Variants in OR51E2 observed in about 807,000 individuals in gnomAD.
OR51E2 encodes the protein olfactory receptor 51E2.
Under a neutral mutation model 13.7 loss-of-function variants are expected in OR51E2, and 14 were observed. The ratio of observed to expected loss-of-function variants is 1.02; its 90% CI spans 0.68 to 1.60. OR51E2 has a LOEUF of 1.60. OR51E2 is among the 40% of genes most tolerant of loss of function. The probability of loss-of-function intolerance (pLI) is 0.00; values close to 1 mark genes in which losing one functional copy is unlikely to be tolerated. For synonymous variants in OR51E2, 180 were observed against 157.6 expected, an observed-to-expected ratio of 1.14 and a Z score of -1.07; for missense variants, 483 against 413.8, an observed-to-expected ratio of 1.17 and a Z score of -1.45.
chr11:4,688,615 T>C (rs1001240428), intron 1 of OR51E2, among the ~76,000 whole-genome samples: 4 of 152,148 alleles, frequency 2.6e-5, no homozygotes, highest in African/African-American at 9.7e-5. Context: ...ATTAAACTAA[T>C]CAGTCTAACT....
intron 1 of OR51E2, among the ~76,000 whole-genome samples, chr11:4,688,102 A>G (rs1354216065): frequency 3.9e-5 from 6 of 152,324 alleles, no homozygotes; most frequent in Non-Finnish European, 1.5e-5. Context: ...AATGGAACAA[A>G]TTCTTTATTC....
At chr11:4,696,096 C>T (rs1027066864) in intron 1 of OR51E2, among the ~76,000 whole-genome samples, 4 of 152,102 alleles carry the variant, frequency 2.6e-5, no homozygotes, top group Non-Finnish European at 4.4e-5. Context: ...GCAATCAAAC[C>T]TGTAATTTAG....
chr11:4,690,968 G>A (rs1218788156), intron 1 of OR51E2: 1 of 454,144 alleles, frequency 2.2e-6, no homozygotes, highest in Non-Finnish European at 4.4e-6. Flanking sequence ...CCACAATGTG[G>A]GAGACACATG....
intron 1 of OR51E2, among the ~76,000 whole-genome samples, chr11:4,683,295 G>A (rs1170070679): frequency 6.6e-6 from 1 of 152,236 alleles, no homozygotes; most frequent in Admixed American, 6.5e-5. Flanking sequence ...AATAATGGGT[G>A]TTCCAAGGCA....
Position 4,682,645 on chromosome 11 carries a change from G to T in OR51E2, c.67C>A (p.His23Asn). 6.2e-7 allele frequency: 1 copy of T among 1,614,180 alleles called. No individual in the cohort carries two copies. The change falls in exon 2 of 2, where the codon CAT (histidine) becomes AAT (asparagine). Residue 23 changes from histidine to asparagine, a missense_variant. By Grantham distance (68) the His-to-Asn change is moderately conservative (BLOSUM62 1). Transcript: ENST00000396950. ...AGGAGGGGGAAGCCAACCCAGAAAT[G>T]GGCTTTCTCTAATCCTGGGATACCA... The part of the protein sequence containing the change: ...LIGIPGLEKA[H>N]FWVGFPLLSM...
chr11:4,689,744 G>A (rs1319023333), intron 1 of OR51E2, among the ~76,000 whole-genome samples: 1 of 151,950 alleles, frequency 6.6e-6, no homozygotes, highest in Non-Finnish European at 1.5e-5. Flanking sequence ...ATTTCTGCTG[G>A]GGCAGAATGT....
intron 1 of OR51E2, among the ~76,000 whole-genome samples, chr11:4,686,402 G>T (rs1040605296): frequency 1.3e-5 from 2 of 152,132 alleles, no homozygotes; most frequent in African/African-American, 2.4e-5. Context: ...AACTGGAGAG[G>T]TCAATGGATG....
Position 4,682,713 on chromosome 11 carries a change from G to C in OR51E2, c.-2C>G. Reference sequence around the variant, plus strand: ...ATGTGTGAAGTTGCAGGAACTCATAGCTGGAACTGAGGAGGGGTGACTGGA... The same window carrying C: ...ATGTGTGAAGTTGCAGGAACTCATACCTGGAACTGAGGAGGGGTGACTGGA... On this transcript the variant is annotated 5_prime_UTR_variant, in exon 2 of 2. Transcript: ENST00000396950. The C allele has an allele frequency of 6.2e-7, 1 of 1,611,886 alleles. No homozygotes were observed. Among genetic ancestry groups the C allele is most frequent in the Non-Finnish European group, 8.5e-7 (1 of 1,178,538 alleles).
chr11:4,686,726 A>T (rs1847519091), intron 1 of OR51E2, among the ~76,000 whole-genome samples: 1 of 152,132 alleles, frequency 6.6e-6, no homozygotes, highest in Admixed American at 6.5e-5. Flanking sequence ...TACCATGTTC[A>T]CGTAGCTACA....
At chr11:4,686,598 G>A (rs747988323) in intron 1 of OR51E2, among the ~76,000 whole-genome samples, 2 of 152,182 alleles carry the variant, frequency 1.3e-5, no homozygotes, top group Non-Finnish European at 2.9e-5. Flanking sequence ...TGTGAGACAG[G>A]AACTTAAGAT....
rs757821062 is a variant in OR51E2, at chr11:4,682,643, A to C, written c.69T>G (p.His23Gln). 2 of 1,614,114 alleles carry C rather than the reference A, an allele frequency of 1.2e-6. No individual in the cohort carries two copies. Among genetic ancestry groups the C allele is most frequent in the Non-Finnish European group, 1.7e-6 (2 of 1,180,034 alleles). The change falls in exon 2 of 2, where the codon CAT becomes CAG. Residue 23 changes from histidine (H) to glutamine (Q), a missense_variant. Coordinates refer to ENST00000396950, the MANE Select transcript of OR51E2 (RefSeq NM_030774.4). ...LIGIPGLEKAHFWVGFPLLSM... is the reference protein window; with the variant it reads ...LIGIPGLEKAQFWVGFPLLSM... ...AAAGGAGGGGGAAGCCAACCCAGAA[A>C]TGGGCTTTCTCTAATCCTGGGATAC...
At chr11:4,690,754 A>G (rs751139210) in intron 1 of OR51E2, 3 of 392,786 alleles carry the variant, frequency 7.6e-6, no homozygotes, top group Non-Finnish European at 1.5e-5. Context: ...AGAATTCTAC[A>G]ATTTTATGTT....
At chr11:4,693,090 AAG>A (rs919232550) in intron 1 of OR51E2, among the ~76,000 whole-genome samples, 13 of 152,180 alleles carry the variant, frequency 8.5e-5, no homozygotes, top group African/African-American at 2.9e-4. Flanking sequence ...AAAAAACTAA[AAG>A]AGAGAATTTT....
Position 4,682,012 on chromosome 11 carries a change from C to T in OR51E2, c.700G>A (p.Ala234Thr), listed in dbSNP as rs867203475. Residue 234 changes from alanine (A) to threonine (T), a missense_variant, in exon 2 of 2, where the codon GCC becomes ACC. Ala to Thr is a moderately conservative substitution (Grantham distance 58, BLOSUM62 0). Coordinates refer to ENST00000396950, the MANE Select transcript of OR51E2 (RefSeq NM_030774.4). Reference protein sequence around the residue: ...VLQLPSKSERAKAFGTCVSHI... With the variant: ...VLQLPSKSERTKAFGTCVSHI... Reference sequence around the variant, plus strand: ...GACACACAGGTTCCAAAGGCCTTGGCCCGCTCTGACTTGGAAGGCAGTTGC... The same window carrying T: ...GACACACAGGTTCCAAAGGCCTTGGTCCGCTCTGACTTGGAAGGCAGTTGC... The T allele has an allele frequency of 6.2e-7, 1 of 1,614,216 alleles. No individual in the cohort carries two copies. Among genetic ancestry groups the T allele is most frequent in the Non-Finnish European group, 8.5e-7 (1 of 1,180,044 alleles).
intron 1 of OR51E2, chr11:4,685,105 T>C (rs1847500523): frequency 6.6e-6 from 1 of 152,252 alleles, no homozygotes. Context: ...GAGCTGGTTT[T>C]GCTTTCTGGT....
chr11:4,681,973 C>A lies in OR51E2; in HGVS notation c.739G>T (p.Val247Leu), dbSNP rs1270653170. 3 of 1,614,196 alleles carry A rather than the reference C, an allele frequency of 1.9e-6. No homozygotes were observed. The highest frequency in any genetic ancestry group is 1.6e-4 in the Middle Eastern group (1 of 6,062). Residue 247 changes from valine (V) to leucine (L), a missense_variant, in exon 2 of 2, where the codon GTA becomes TTA. Coordinates refer to ENST00000396950, the MANE Select transcript of OR51E2 (RefSeq NM_030774.4). The stretch of plus-strand genomic sequence containing the variant: ...ATAAGTGGCACATAGAAGGCGAGTA[C>A]CACACCAATGTGTGACACACAGGTT... Reference protein sequence around the residue: ...FGTCVSHIGVVLAFYVPLIGL... With the variant: ...FGTCVSHIGVLLAFYVPLIGL...
Position 4,682,539 on chromosome 11 carries a change from A to G in OR51E2, c.173T>C (p.Met58Thr), listed in dbSNP as rs747477679. 4.0e-5 allele frequency: 64 copies of G among 1,614,100 alleles called. No homozygotes were observed. Among genetic ancestry groups the G allele is most frequent in the Admixed American group, 1.5e-4 (9 of 60,004 alleles). Reference sequence around the variant, plus strand: ...TGCAAGCATGCAGAGAAAGAGGTACATCGGAGCGTGCAGGCTGCGTTCCGT... The same window carrying G: ...TGCAAGCATGCAGAGAAAGAGGTACGTCGGAGCGTGCAGGCTGCGTTCCGT... ...VRTERSLHAP[M>T]YLFLCMLAAI... Residue 58 changes from methionine to threonine, a missense_variant, in exon 2 of 2, where the codon ATG becomes ACG. By Grantham distance (81) the Met-to-Thr change is moderately conservative. Coordinates refer to ENST00000396950, the MANE Select transcript of OR51E2 (RefSeq NM_030774.4).
intron 1 of OR51E2, among the ~76,000 whole-genome samples, chr11:4,688,692 T>C (rs906114112): frequency 6.6e-6 from 1 of 152,174 alleles, no homozygotes; most frequent in African/African-American, 2.4e-5. Flanking sequence ...AAAGCTGTTA[T>C]AATAATTCAG....
Position 4,680,671 on chromosome 11 carries a change from C to G in OR51E2, c.*1078G>C, listed in dbSNP as rs1303567344. 6.6e-6 allele frequency: 1 copy of G among 152,568 alleles called. No homozygotes were observed. Among genetic ancestry groups the G allele is most frequent in the East Asian group, 1.9e-4 (1 of 5,190 alleles). 9.5% of individuals were successfully genotyped at this position (152,568 alleles called of 1,614,324 possible). On this transcript the variant is annotated 3_prime_UTR_variant, in exon 2 of 2. Coordinates refer to ENST00000396950, the MANE Select transcript of OR51E2 (RefSeq NM_030774.4). Reference sequence around the variant, plus strand: ...TAAAGAGACACAAATGGTACCTACTCCATAAAGTTACGAAGAACACATAAA... The same window carrying G: ...TAAAGAGACACAAATGGTACCTACTGCATAAAGTTACGAAGAACACATAAA...
Sources: gnomAD v4.1 joint callset for allele counts (sites outside exome capture counted in the v4.1 genomes callset) on GRCh38, gnomAD v4.1.1 for gene constraint, MANE v1.5 for transcripts, NCBI Gene and HGNC (gene_info 2026-07-23, HGNC 2026-07-21) for gene names.